CPNE4: variants seen among roughly 807,000 people sequenced by gnomAD.
CPNE4 encodes the protein copine-4.
In CPNE4, 25 loss-of-function variants were observed where a neutral mutation model predicts 67.9. That is an observed-to-expected ratio of 0.37 (90% CI 0.27 to 0.51). The LOEUF is 0.51. CPNE4 is among the 20% of genes least tolerant of loss of function. CPNE4 has a pLI of 0.93. For synonymous variants in CPNE4, 242 were observed against 244.9 expected (o/e 0.99, Z 0.11); for missense variants, 464 against 690.8 (o/e 0.67, Z 3.68).
intron 3 of CPNE4, among the ~76,000 whole-genome samples, chr3:131,701,675 C>T (rs1003315513): frequency 6.6e-6 from 1 of 152,118 alleles, no homozygotes; most frequent in Non-Finnish European, 1.5e-5. Flanking sequence ...AGATTCTCCT[C>T]TAAGTTGAGC....
chr3:131,788,049 CCTAAGT>C (rs1042883380), intron 2 of CPNE4, among the ~76,000 whole-genome samples: 18 of 151,762 alleles, frequency 1.2e-4, no homozygotes, highest in Admixed American at 9.2e-4. Context: ...AAATTAAAAC[CCTAAGT>C]CTAAGAAAAC....
chr3:131,785,218 G>A (rs2083525988), intron 2 of CPNE4, among the ~76,000 whole-genome samples: 2 of 152,030 alleles, frequency 1.3e-5, no homozygotes, highest in African/African-American at 4.8e-5. Context: ...GTAAACTGAG[G>A]CTTAGGGAGA....
chr3:131,757,247 G>A (rs2082772913), intron 2 of CPNE4, among the ~76,000 whole-genome samples: 1 of 152,228 alleles, frequency 6.6e-6, no homozygotes, highest in African/African-American at 2.4e-5. Context: ...GAACTTCCTA[G>A]AGACTTGTTG....
At chr3:131,588,026 A>G (rs371051996) in intron 7 of CPNE4, among the ~76,000 whole-genome samples, 5 of 152,192 alleles carry the variant, frequency 3.3e-5, no homozygotes, top group African/African-American at 7.2e-5. Flanking sequence ...CTCCTGCTTC[A>G]TGATTTGAAT....
intron 1 of CPNE4, among the ~76,000 whole-genome samples, chr3:131,907,697 A>G (rs147975250): frequency 2.0e-5 from 3 of 152,260 alleles, no homozygotes; most frequent in African/African-American, 7.2e-5. Flanking sequence ...TTTCACTACA[A>G]TGGCAGAACT....
intron 2 of CPNE4, among the ~76,000 whole-genome samples, chr3:131,797,110 G>C (rs2083938057): frequency 6.6e-6 from 1 of 152,150 alleles, no homozygotes; most frequent in Admixed American, 6.5e-5. Context: ...ATGAAAGTCT[G>C]AATTCTAGAT....
At chr3:131,923,151 T>C (rs778701670) in intron 1 of CPNE4, among the ~76,000 whole-genome samples, 3 of 152,188 alleles carry the variant, frequency 2.0e-5, no homozygotes, top group Non-Finnish European at 2.9e-5. Flanking sequence ...TTATTTTTAC[T>C]TGAAAGTCAG....
At chr3:131,787,706 C>G (rs1472738568) in intron 2 of CPNE4, among the ~76,000 whole-genome samples, 1 of 152,100 alleles carries the variant, frequency 6.6e-6, no homozygotes, top group Non-Finnish European at 1.5e-5. Context: ...AGGCAATTAC[C>G]AAGATGTCTG....
At chr3:131,768,826 C>T (rs984566881) in intron 2 of CPNE4, among the ~76,000 whole-genome samples, 9 of 152,094 alleles carry the variant, frequency 5.9e-5, no homozygotes, top group Non-Finnish European at 1.2e-4. Context: ...CCAAACTAGG[C>T]CATGATTCCA....
chr3:132,028,729 A>G (rs2074171782), intron 1 of CPNE4, among the ~76,000 whole-genome samples: 3 of 152,208 alleles, frequency 2.0e-5, no homozygotes, highest in Admixed American at 1.3e-4. Flanking sequence ...TAGGGTAGCC[A>G]CTACCCACAT....
chr3:131,661,154 A>C (rs918245052), intron 7 of CPNE4, among the ~76,000 whole-genome samples: 8 of 152,208 alleles, frequency 5.3e-5, no homozygotes, highest in Non-Finnish European at 1.2e-4. Context: ...GAACAATTAC[A>C]GAGTTCAATG....
At chr3:131,553,500 G>T (rs779064159) in intron 12 of CPNE4, among the ~76,000 whole-genome samples, 7 of 152,054 alleles carry the variant, frequency 4.6e-5, no homozygotes, top group South Asian at 4.1e-4. Flanking sequence ...TTAACAGGAG[G>T]TGATGTATAC....
chr3:131,636,306 A>T (rs1367372692), intron 7 of CPNE4, among the ~76,000 whole-genome samples: 1 of 152,108 alleles, frequency 6.6e-6, no homozygotes, highest in Non-Finnish European at 1.5e-5. Context: ...TTGCTTGGTA[A>T]GTGTGAGACC....
intron 1 of CPNE4, among the ~76,000 whole-genome samples, chr3:131,993,052 A>G (rs201095093): frequency 1.3e-4 from 18 of 136,160 alleles, no homozygotes; most frequent in African/African-American, 4.4e-4. Context: ...GGACTAATAC[A>G]AAGATAATGG....
intron 2 of CPNE4, among the ~76,000 whole-genome samples, chr3:131,761,329 C>A (rs1650143570): frequency 6.6e-6 from 1 of 151,422 alleles, no homozygotes; most frequent in South Asian, 2.1e-4. Context: ...CATCTTCCCA[C>A]CTAAGCCTGC....
chr3:131,760,335 T>C (rs1441324633), intron 2 of CPNE4, among the ~76,000 whole-genome samples: 1 of 152,160 alleles, frequency 6.6e-6, no homozygotes, highest in Non-Finnish European at 1.5e-5. Context: ...TTGCTACTAT[T>C]TGATAGATGA....
chr3:132,008,265 G>A (rs1919992), intron 1 of CPNE4, among the ~76,000 whole-genome samples: 127,515 of 152,192 alleles, frequency 0.84, 54,511 homozygotes, highest in Non-Finnish European at 0.93. Flanking sequence ...CAACCTAACT[G>A]TTGAAGAGTA....
intron 2 of CPNE4, among the ~76,000 whole-genome samples, chr3:131,818,093 G>A (rs1329975545): frequency 6.6e-6 from 1 of 152,220 alleles, no homozygotes. Flanking sequence ...ATGGTCATCT[G>A]ATGAGTCAAT....
intron 1 of CPNE4, among the ~76,000 whole-genome samples, chr3:131,927,285 G>A (rs1352387154): frequency 6.6e-6 from 1 of 151,704 alleles, no homozygotes; most frequent in Non-Finnish European, 1.5e-5. Context: ...CAACTGTGTT[G>A]GCTAAAATAC....
Sources: gnomAD v4.1 joint callset for allele counts (sites outside exome capture counted in the v4.1 genomes callset) on GRCh38, gnomAD v4.1.1 for gene constraint, MANE v1.5 for transcripts, NCBI Gene and HGNC (gene_info 2026-07-23, HGNC 2026-07-21) for gene names.